Variants in LRRTM4 observed in about 807,000 individuals in gnomAD.
LRRTM4 encodes the protein leucine rich repeat transmembrane neuronal 4, also known as leucine-rich repeat transmembrane neuronal protein 4.
In LRRTM4, 25 loss-of-function variants were observed where a neutral mutation model predicts 47.6. That is an observed-to-expected ratio of 0.53 (90% CI 0.38 to 0.73). The LOEUF is 0.73. Among genes scored for constraint, LRRTM4 ranks in the 30% least tolerant of loss-of-function variants. The probability of loss-of-function intolerance (pLI) is 0.00; values close to 1 mark genes in which losing one functional copy is unlikely to be tolerated. For synonymous variants in LRRTM4, 311 were observed against 269.5 expected (o/e 1.15, Z -1.51); for missense variants, 638 against 713.4 (o/e 0.89, Z 1.20).
At chr2:76,876,167 T>A (rs1380560259) in intron 3 of LRRTM4, among the ~76,000 whole-genome samples, 2 of 152,050 alleles carry the variant, frequency 1.3e-5, no homozygotes, top group Non-Finnish European at 2.9e-5. Context: ...AAAAAGAAGT[T>A]TTTTAAGAGC....
intron 3 of LRRTM4, among the ~76,000 whole-genome samples, chr2:77,359,140 G>C (rs1283910192): frequency 6.6e-6 from 1 of 151,920 alleles, no homozygotes. Context: ...GTTTGGACTT[G>C]GTCGTAGATT....
chr2:77,380,710 C>T (rs1238493178), intron 3 of LRRTM4, among the ~76,000 whole-genome samples: 2 of 151,578 alleles, frequency 1.3e-5, no homozygotes, highest in East Asian at 2.0e-4. Context: ...GCAGGAGAAT[C>T]GCTTGAACCC....
In LRRTM4 at chr2:76,747,940, A is replaced by C. The variant is rs181669407; in HGVS notation, c.*755T>G. 1.1e-4 allele frequency: 16 copies of C among 152,172 alleles called. No homozygotes were observed. The highest frequency in any genetic ancestry group is 3.6e-4 in the African/African-American group (15 of 41,436). The allele number at this position is 152,172 out of a possible 1,614,324, so 9.4% of individuals were successfully genotyped here. A position where few individuals can be genotyped will look rare whatever the true frequency, so the allele number is the denominator to read the frequency against. ...ATTCGGAGATCTTCATGGCTCTCTC[A>C]GGCATCCTACACAGTGAGGGCTGCC... On this transcript the variant is annotated 3_prime_UTR_variant, in exon 4 of 4. Coordinates refer to ENST00000409884, the MANE Select transcript of LRRTM4 (RefSeq NM_001134745.3).
chr2:77,379,541 T>C (rs1672970974), intron 3 of LRRTM4, among the ~76,000 whole-genome samples: 1 of 152,154 alleles, frequency 6.6e-6, no homozygotes, highest in Non-Finnish European at 1.5e-5. Flanking sequence ...TTTCTGCTAT[T>C]AATATTTATG....
chr2:77,498,989 G>A (rs2104069454), intron 3 of LRRTM4, among the ~76,000 whole-genome samples: 1 of 151,968 alleles, frequency 6.6e-6, no homozygotes, highest in Middle Eastern at 3.4e-3. Flanking sequence ...AACTCCTGAA[G>A]TTTCAGGAAT....
intron 3 of LRRTM4, among the ~76,000 whole-genome samples, chr2:77,139,939 G>C (rs184133109): frequency 1.4e-4 from 21 of 152,206 alleles, no homozygotes; most frequent in African/African-American, 4.6e-4. Context: ...ACCTCTTCAA[G>C]GAGAACTACA....
At chr2:76,951,135 T>C (rs906821886) in intron 3 of LRRTM4, among the ~76,000 whole-genome samples, 14 of 152,064 alleles carry the variant, frequency 9.2e-5, no homozygotes, top group African/African-American at 2.9e-4. Context: ...TGAATAATAG[T>C]TGGAAAAAAT....
intron 3 of LRRTM4, among the ~76,000 whole-genome samples, chr2:77,044,033 G>T (rs1420958795): frequency 1.3e-5 from 2 of 151,150 alleles, no homozygotes; most frequent in Non-Finnish European, 3.0e-5. Context: ...CTTCATTTCT[G>T]TTTGTTTTCT....
intron 3 of LRRTM4, among the ~76,000 whole-genome samples, chr2:77,393,310 G>C (rs13401949): frequency 0.014 from 2,117 of 152,024 alleles, 56 homozygotes; most frequent in African/African-American, 0.048. Flanking sequence ...AGGCAGACTA[G>C]AGAGTAGAAA....
intron 3 of LRRTM4, among the ~76,000 whole-genome samples, chr2:76,781,733 A>T (rs1277110760): frequency 6.7e-6 from 1 of 149,366 alleles, no homozygotes; most frequent in East Asian, 1.9e-4. Flanking sequence ...TCACGCTGGG[A>T]GCTATAGACC....
chr2:77,134,135 A>G (rs1313042509), intron 3 of LRRTM4, among the ~76,000 whole-genome samples: 2 of 152,124 alleles, frequency 1.3e-5, no homozygotes, highest in African/African-American at 4.8e-5. Flanking sequence ...TATATATTTC[A>G]TACTGCAAAT....
chr2:76,792,561 A>G (rs1675032690), intron 3 of LRRTM4, among the ~76,000 whole-genome samples: 1 of 152,150 alleles, frequency 6.6e-6, no homozygotes, highest in South Asian at 2.1e-4. Context: ...AAGGTAAGTT[A>G]TATTAATTCT....
At chr2:76,979,281 T>G (rs970205080) in intron 3 of LRRTM4, among the ~76,000 whole-genome samples, 1 of 152,002 alleles carries the variant, frequency 6.6e-6, no homozygotes, top group Non-Finnish European at 1.5e-5. Flanking sequence ...CTATTACTAC[T>G]GATAATTTCA....
At chr2:77,414,078 A>G (rs1674545219) in intron 3 of LRRTM4, among the ~76,000 whole-genome samples, 1 of 152,192 alleles carries the variant, frequency 6.6e-6, no homozygotes, top group South Asian at 2.1e-4. Context: ...ACCTCAAATC[A>G]AAATGCTTCT....
intron 3 of LRRTM4, among the ~76,000 whole-genome samples, chr2:76,888,096 G>A (rs1673136766): frequency 6.7e-6 from 1 of 150,330 alleles, no homozygotes; most frequent in South Asian, 2.1e-4. Flanking sequence ...TATATAGTGT[G>A]TGTGTATATA....
At chr2:77,415,103 C>T (rs1674587666) in intron 3 of LRRTM4, among the ~76,000 whole-genome samples, 1 of 152,150 alleles carries the variant, frequency 6.6e-6, no homozygotes, top group South Asian at 2.1e-4. Context: ...CTCCAGTGCA[C>T]TACAGATCAT....
intron 3 of LRRTM4, among the ~76,000 whole-genome samples, chr2:77,076,171 T>A (rs1204030404): frequency 1.3e-5 from 2 of 152,060 alleles, no homozygotes; most frequent in Non-Finnish European, 2.9e-5. Flanking sequence ...TAAAAGCCCA[T>A]CTAACATAAA....
intron 3 of LRRTM4, among the ~76,000 whole-genome samples, chr2:77,332,347 T>C (rs1251458394): frequency 6.6e-6 from 1 of 152,192 alleles, no homozygotes; most frequent in Non-Finnish European, 1.5e-5. Context: ...AAGACAGAAA[T>C]CAGGAGCTAC....
intron 3 of LRRTM4, among the ~76,000 whole-genome samples, chr2:77,477,098 G>C (rs920591218): frequency 2.6e-5 from 4 of 152,010 alleles, no homozygotes; most frequent in Admixed American, 6.6e-5. Context: ...ATGTGGCTGA[G>C]AGCAAGAGGA....
Sources: allele counts gnomAD v4.1 joint callset (sites outside exome capture counted in the v4.1 genomes callset), GRCh38; gene constraint gnomAD v4.1.1; transcripts MANE v1.5; gene names NCBI Gene and HGNC (gene_info 2026-07-23, HGNC 2026-07-21).